The following YIPF4 variants were observed in gnomAD, a reference collection of about 807,000 sequenced individuals.
The protein encoded by YIPF4 is Yip1 domain family member 4.
In YIPF4, 18 loss-of-function variants were observed where a neutral mutation model predicts 29.4. The ratio of observed to expected loss-of-function variants is 0.61; its 90% CI spans 0.42 to 0.91. The LOEUF (loss-of-function observed/expected upper bound fraction) is 0.91. Among genes scored for constraint, YIPF4 ranks in the 40% least tolerant of loss-of-function variants. The probability of loss-of-function intolerance (pLI) is 0.00; values close to 1 mark genes in which losing one functional copy is unlikely to be tolerated. For synonymous variants in YIPF4, 115 were observed against 104.7 expected (o/e 1.10, Z -0.60); for missense variants, 279 against 282.7 (o/e 0.99, Z 0.09).
In YIPF4 at chr2:32,306,559, A is replaced by G. The variant is rs1573545917; in HGVS notation, c.*933A>G. 1.9e-5 allele frequency: 19 copies of G among 985,158 alleles called. No individual in the cohort carries two copies. Among genetic ancestry groups the G allele is most frequent in the South Asian group, 4.7e-5 (1 of 21,290 alleles). The allele number at this position is 985,158 out of a possible 1,614,324, so 61.0% of individuals were successfully genotyped here. On this transcript the variant is annotated 3_prime_UTR_variant, in exon 6 of 6. Coordinates refer to ENST00000238831, the MANE Select transcript of YIPF4 (RefSeq NM_032312.4). ...TTATATGAAGTAGAAAAAATAAAATACTTCCCAGTTGTGTGTTTTGTTTTA... is the reference window on the plus strand; with the variant it reads ...TTATATGAAGTAGAAAAAATAAAATGCTTCCCAGTTGTGTGTTTTGTTTTA...
intron 3 of YIPF4, among the ~76,000 whole-genome samples, chr2:32,293,851 C>A (rs1350735609): frequency 6.8e-6 from 1 of 146,560 alleles, no homozygotes; most frequent in African/African-American, 2.6e-5. Context: ...GGCTGACCCC[C>A]CCACCTCCCT....
rs758918187 is a variant in YIPF4 at position 32,311,481 on chromosome 2, A to G, written c.*5855A>G. On this transcript the variant is annotated 3_prime_UTR_variant, in exon 6 of 6. Coordinates refer to ENST00000238831, the MANE Select transcript of YIPF4 (RefSeq NM_032312.4). ...GCAGTATCTTGGTTTCAACTTTTCTATTTTCAGCAAGATATTTGCAAGTTT... is the reference window on the plus strand; with the variant it reads ...GCAGTATCTTGGTTTCAACTTTTCTGTTTTCAGCAAGATATTTGCAAGTTT... The G allele has an allele frequency of 2.6e-5, 4 of 152,096 alleles. No individual in the cohort carries two copies. In the South Asian group the frequency reaches 6.2e-4, roughly 24 times the overall value. The allele number at this position is 152,096 out of a possible 1,614,324, so 9.4% of individuals were successfully genotyped here. A position where few individuals can be genotyped will look rare whatever the true frequency, so the allele number is the denominator to read the frequency against.
At position 32,311,601 on chromosome 2, in the gene YIPF4, G is replaced by A. The variant is rs1039683994; in HGVS notation, c.*5975G>A. 1 of 152,158 alleles carries A rather than the reference G, an allele frequency of 6.6e-6. No homozygotes were observed. Among genetic ancestry groups the A allele is most frequent in the East Asian group, 1.9e-4 (1 of 5,204 alleles). 9.4% of individuals were successfully genotyped at this position (152,158 alleles called of 1,614,324 possible). On this transcript the variant is annotated 3_prime_UTR_variant, in exon 6 of 6. Transcript: ENST00000238831. ...GATACTAATATGAAAAAGAATATTT[G>A]TGTAAAATATTTTGAAGTTGTAATT... is the stretch of plus-strand genomic sequence containing the variant.
At chr2:32,296,829 T>A (rs1484246830) in intron 3 of YIPF4, among the ~76,000 whole-genome samples, 1 of 152,242 alleles carries the variant, frequency 6.6e-6, no homozygotes, top group African/African-American at 2.4e-5. Context: ...GCCTACTAAT[T>A]TTAGCATCCA....
At chr2:32,294,064 G>T (rs1467753320) in intron 3 of YIPF4, among the ~76,000 whole-genome samples, 1 of 150,586 alleles carries the variant, frequency 6.6e-6, no homozygotes, top group Admixed American at 6.6e-5. Flanking sequence ...CAGTAGGGGC[G>T]GCTGGGCAGA....
chr2:32,305,366 A>C (rs1395100385), intron 5 of YIPF4, 123 bp from the exon 6 acceptor site: 14 of 1,146,206 alleles, frequency 1.2e-5, no homozygotes, highest in Non-Finnish European at 1.6e-5. Context: ...AAGTTTTACT[A>C]TTTACCAAAA....
At chr2:32,288,452 C>T (rs899367877) in intron 1 of YIPF4, among the ~76,000 whole-genome samples, 8 of 152,134 alleles carry the variant, frequency 5.3e-5, no homozygotes, top group African/African-American at 1.9e-4. Context: ...CTCATAACTG[C>T]AAAACCTCTA....
chr2:32,295,505 C>G (rs2031143913), intron 3 of YIPF4, among the ~76,000 whole-genome samples: 1 of 152,202 alleles, frequency 6.6e-6, no homozygotes, highest in African/African-American at 2.4e-5. Flanking sequence ...CTTTCACTTC[C>G]AGAGGCTGCC....
At chr2:32,301,584 A>T in intron 5 of YIPF4, 89 bp downstream of exon 5, 2 of 815,176 alleles carry the variant, frequency 2.5e-6, no homozygotes, top group Non-Finnish European at 1.9e-6. Flanking sequence ...GTGATATAAA[A>T]CTCTTTATCA....
Position 32,313,126 on chromosome 2 carries a change from G to C in YIPF4, c.*7500G>C, listed in dbSNP as rs919731236. On this transcript the variant is annotated 3_prime_UTR_variant, in exon 6 of 6. Transcript: ENST00000238831. ...GAGAAAAAGAGGCCTGTGGTGGTAA[G>C]CAAGTATATAAAAGAAGCCTTCCTT... is the stretch of plus-strand genomic sequence containing the variant. The C allele has an allele frequency of 5.9e-5, 9 of 152,106 alleles. No homozygotes were observed. The highest frequency in any genetic ancestry group is 2.2e-4 in the African/African-American group (9 of 41,430). The allele number at this position is 152,106 out of a possible 1,614,324, so 9.4% of individuals were successfully genotyped here.
intron 1 of YIPF4, among the ~76,000 whole-genome samples, chr2:32,282,062 G>GAA (rs61157556): frequency 2.8e-5 from 4 of 140,506 alleles, no homozygotes; most frequent in African/African-American, 1.0e-4. Context: ...GACCCTGGCT[G>GAA]AAAAAAAAAA....
chr2:32,294,893 C>T (rs1455731401), intron 3 of YIPF4, among the ~76,000 whole-genome samples: 3 of 152,218 alleles, frequency 2.0e-5, no homozygotes, highest in East Asian at 1.9e-4. Context: ...AGCGAAACCC[C>T]GTCTCCACCA....
Position 32,305,968 on chromosome 2 carries a change from TG to T in YIPF4, c.*343del. The stretch of plus-strand genomic sequence containing the variant: ...TTATATTTCACTTAAAGGGTAAATT[TG>T]ACAATATCTTGATAATCAAAAGTGC... On this transcript the variant is annotated 3_prime_UTR_variant, in exon 6 of 6. Coordinates refer to ENST00000238831, the MANE Select transcript of YIPF4 (RefSeq NM_032312.4). The T allele has an allele frequency of 1.0e-6, 1 of 990,376 alleles. No homozygotes were observed. The highest frequency in any genetic ancestry group is 1.2e-6 in the Non-Finnish European group (1 of 833,198). 61.3% of individuals were successfully genotyped at this position (990,376 alleles called of 1,614,324 possible).
intron 3 of YIPF4, among the ~76,000 whole-genome samples, chr2:32,295,180 G>A (rs1175934884): frequency 6.6e-6 from 1 of 152,050 alleles, no homozygotes; most frequent in African/African-American, 2.4e-5. Context: ...TATTACTACT[G>A]GTATTTTAAT....
intron 1 of YIPF4, among the ~76,000 whole-genome samples, chr2:32,285,446 C>G (rs1261085784): frequency 6.6e-6 from 1 of 152,046 alleles, no homozygotes; most frequent in Non-Finnish European, 1.5e-5. Flanking sequence ...CTTTTTATCC[C>G]TATATAAAAA....
intron 1 of YIPF4, among the ~76,000 whole-genome samples, chr2:32,282,165 A>C (rs1254739238): frequency 6.6e-6 from 1 of 152,070 alleles, no homozygotes; most frequent in East Asian, 1.9e-4. Context: ...GTGTGATAGC[A>C]TGCACCTGCG....
Position 32,311,905 on chromosome 2 carries a change from T to G in YIPF4, c.*6279T>G, listed in dbSNP as rs2031723001. ...TGCTGCTATTTGCATAATAAGCACT[T>G]GTTGAAGAATAAATGATTAAGTTCA... On this transcript the variant is annotated 3_prime_UTR_variant, in exon 6 of 6. Transcript: ENST00000238831. 5 of 152,214 alleles carry G rather than the reference T, an allele frequency of 3.3e-5. No individual in the cohort carries two copies. Among genetic ancestry groups the G allele is most frequent in the Admixed American group, 3.3e-4 (5 of 15,276 alleles). 9.4% of individuals were successfully genotyped at this position (152,214 alleles called of 1,614,324 possible).
chr2:32,306,459 A>G lies in YIPF4; in HGVS notation c.*833A>G, dbSNP rs952743956. The G allele has an allele frequency of 2.5e-5, 25 of 984,178 alleles. No homozygotes were observed. Among genetic ancestry groups the G allele is most frequent in the Non-Finnish European group, 2.9e-5 (24 of 828,496 alleles). The allele number at this position is 984,178 out of a possible 1,614,324, so 61.0% of individuals were successfully genotyped here. A position where few individuals can be genotyped will look rare whatever the true frequency, so the allele number is the denominator to read the frequency against. On this transcript the variant is annotated 3_prime_UTR_variant, in exon 6 of 6. Transcript: ENST00000238831. ...ACAGTAATATTTACAGCATCAGTAA[A>G]TATTTTTAAGTGGTACTTCTAAATC...
At chr2:32,295,860 C>T (rs1042610686) in intron 3 of YIPF4, among the ~76,000 whole-genome samples, 3 of 152,126 alleles carry the variant, frequency 2.0e-5, no homozygotes. Flanking sequence ...ACCTTGGCCT[C>T]CCAAAGTGCT....
Sources: allele counts gnomAD v4.1 joint callset (sites outside exome capture counted in the v4.1 genomes callset), GRCh38; gene constraint gnomAD v4.1.1; transcripts MANE v1.5; gene names NCBI Gene and HGNC (gene_info 2026-07-23, HGNC 2026-07-21).